PDSS2: variants seen among roughly 807,000 people sequenced by gnomAD.
The protein encoded by PDSS2 is all trans-polyprenyl-diphosphate synthase PDSS2.
PDSS2 carries 31 observed loss-of-function variants against 44.5 expected under a neutral mutation model. That is an observed-to-expected ratio of 0.70 (90% confidence interval 0.52 to 0.94). The LOEUF (loss-of-function observed/expected upper bound fraction) is 0.94, where lower values mean the gene tolerates loss of function less well. PDSS2 is among the 40% of genes least tolerant of loss of function. The pLI is 0.00. For missense variants in PDSS2, 452 were observed against 482.2 expected, an observed-to-expected ratio of 0.94 and a Z score of 0.59; for synonymous variants, 157 against 180.3, an observed-to-expected ratio of 0.87 and a Z score of 1.03.
intron 2 of PDSS2, among the ~76,000 whole-genome samples, chr6:107,323,807 C>T (rs114493964): frequency 2.2e-3 from 337 of 152,286 alleles, no homozygotes; most frequent in African/African-American, 7.8e-3. Flanking sequence ...CAACATACAG[C>T]CCTTCTTTAA....
At chr6:107,417,814 CAT>C (rs1429635762) in intron 1 of PDSS2, among the ~76,000 whole-genome samples, 65 of 139,918 alleles carry the variant, frequency 4.6e-4, no homozygotes, top group African/African-American at 1.7e-3. Flanking sequence ...CACACACACA[CAT>C]ATATACACCT....
intron 1 of PDSS2, among the ~76,000 whole-genome samples, chr6:107,342,442 T>C (rs2115292484): frequency 6.6e-6 from 1 of 152,334 alleles, no homozygotes; most frequent in East Asian, 1.9e-4. Flanking sequence ...CAACACATTC[T>C]AAAAAACATG....
chr6:107,240,836 T>C (rs1315673986), intron 4 of PDSS2, among the ~76,000 whole-genome samples: 1 of 152,116 alleles, frequency 6.6e-6, no homozygotes, highest in Non-Finnish European at 1.5e-5. Context: ...GAAAGCAGAA[T>C]GGCTAATTTT....
At chr6:107,425,823 T>C (rs1469644540) in intron 1 of PDSS2, among the ~76,000 whole-genome samples, 1 of 152,124 alleles carries the variant, frequency 6.6e-6, no homozygotes, top group African/African-American at 2.4e-5. Flanking sequence ...TAGCTGGGCG[T>C]GGTGGCAGGC....
chr6:107,241,510 C>A (rs373613893), intron 4 of PDSS2, among the ~76,000 whole-genome samples: 1 of 151,596 alleles, frequency 6.6e-6, no homozygotes. Context: ...CCACGCCCAG[C>A]TAATTTTTTG....
chr6:107,268,093 G>T (rs1288942376), intron 3 of PDSS2, among the ~76,000 whole-genome samples: 1 of 152,124 alleles, frequency 6.6e-6, no homozygotes, highest in East Asian at 1.9e-4. Flanking sequence ...TTGTCTCCTA[G>T]TATCTTTTAT....
intron 4 of PDSS2, among the ~76,000 whole-genome samples, chr6:107,214,023 A>G (rs1773322722): frequency 6.6e-6 from 1 of 152,166 alleles, no homozygotes; most frequent in Non-Finnish European, 1.5e-5. Context: ...ATTAATCTTA[A>G]TGACATATTT....
intron 1 of PDSS2, among the ~76,000 whole-genome samples, chr6:107,343,917 T>A (rs1778157586): frequency 6.6e-6 from 1 of 152,130 alleles, no homozygotes; most frequent in Non-Finnish European, 1.5e-5. Flanking sequence ...TGATTAAGGG[T>A]GACCTATTTC....
Position 107,361,110 on chromosome 6 carries a change from A to C in PDSS2, c.297-26778T>G, listed in dbSNP as rs1270933079. ...ATTTGGAAAACCTTCATTGTGAAAA[A>C]AATTAGAATTTTAACAAAATGGTGT... On this transcript the variant is annotated intron_variant, in intron 1 of 7. Transcript: ENST00000369037. Among the ~76,000 whole-genome samples, 3 of 152,192 alleles carry C rather than the reference A, an allele frequency of 2.0e-5. No homozygotes were observed. The East Asian group carries it at 5.8e-4, about 29-fold the overall frequency.
chr6:107,444,186 C>T (rs1781596440), intron 1 of PDSS2, among the ~76,000 whole-genome samples: 2 of 152,066 alleles, frequency 1.3e-5, no homozygotes, highest in African/African-American at 4.8e-5. Context: ...CACCACCACA[C>T]CCAGCTACTT....
chr6:107,415,998 T>C (rs1780646742), intron 1 of PDSS2, among the ~76,000 whole-genome samples: 1 of 152,170 alleles, frequency 6.6e-6, no homozygotes. Flanking sequence ...ACAGGGGATA[T>C]TAAAGGATGT....
At chr6:107,220,326 A>G (rs1179448760) in intron 4 of PDSS2, among the ~76,000 whole-genome samples, 1 of 152,170 alleles carries the variant, frequency 6.6e-6, no homozygotes, top group Non-Finnish European at 1.5e-5. Context: ...TAAAAAATGT[A>G]TGACTCTCAA....
intron 7 of PDSS2, among the ~76,000 whole-genome samples, chr6:107,165,774 A>G (rs1334763244): frequency 1.3e-5 from 2 of 151,958 alleles, no homozygotes; most frequent in Admixed American, 1.3e-4. Flanking sequence ...CATTTTCACG[A>G]TATTGATTCT....
chr6:107,154,285 C>T lies in PDSS2; in HGVS notation c.*334G>A. ...CTCTAGCAGGAAAAACCACAGGCCACCGCCCTGGCGCCATCCCTGGCTCGG... is the reference window on the plus strand; with the variant it reads ...CTCTAGCAGGAAAAACCACAGGCCATCGCCCTGGCGCCATCCCTGGCTCGG... On this transcript the variant is annotated 3_prime_UTR_variant, in exon 8 of 8. Transcript: ENST00000369037. The T allele has an allele frequency of 2.9e-6, 1 of 340,126 alleles. No individual in the cohort carries two copies. 21.1% of individuals were successfully genotyped at this position (340,126 alleles called of 1,614,324 possible).
Position 107,178,398 on chromosome 6 carries a change from T to C in PDSS2, c.1041+15424A>G, listed in dbSNP as rs148308253. Among the ~76,000 whole-genome samples the C allele has an allele frequency of 8.1e-4, 123 of 152,346 alleles. 1 individual carries two copies. The East Asian group carries it at 0.022, about 27-fold the overall frequency. On this transcript the variant is annotated intron_variant, in intron 7 of 7. Transcript: ENST00000369037. ...AGGAGGTCTCTACGCTATGGTGTTA[T>C]GGAAGGTGTATTTGTTAACTTAGAT...
At chr6:107,447,285 G>A (rs543293836) in intron 1 of PDSS2, among the ~76,000 whole-genome samples, 104 of 152,176 alleles carry the variant, frequency 6.8e-4, no homozygotes, top group African/African-American at 2.2e-3. Flanking sequence ...GCAGTGAGCC[G>A]AGATGGCACC....
chr6:107,346,798 G>A (rs1778260922), intron 1 of PDSS2, among the ~76,000 whole-genome samples: 1 of 152,184 alleles, frequency 6.6e-6, no homozygotes, highest in South Asian at 2.1e-4. Context: ...TGCCTTATAG[G>A]TAAAAACTGT....
chr6:107,452,031 T>G (rs1388542294), intron 1 of PDSS2, among the ~76,000 whole-genome samples: 1 of 152,196 alleles, frequency 6.6e-6, no homozygotes, highest in Non-Finnish European at 1.5e-5. Flanking sequence ...TCTTCTTTTT[T>G]GTTTTTTAAG....
intron 2 of PDSS2, among the ~76,000 whole-genome samples, chr6:107,307,228 G>A (rs1019965661): frequency 2.0e-5 from 3 of 152,186 alleles, no homozygotes. Context: ...TGTGCTTGGT[G>A]ATGCCTTTAC....
Sources: allele counts gnomAD v4.1 joint callset (sites outside exome capture counted in the v4.1 genomes callset), GRCh38; gene constraint gnomAD v4.1.1; transcripts MANE v1.5; gene names NCBI Gene and HGNC (gene_info 2026-07-23, HGNC 2026-07-21).